ROR2: variants seen among roughly 807,000 people sequenced by gnomAD.
ROR2 encodes the protein ROR family WNT receptor 2.
ROR2 carries 33 observed loss-of-function variants against 74.9 expected under a neutral mutation model. The ratio of observed to expected loss-of-function variants is 0.44; its 90% confidence interval spans 0.33 to 0.59. The LOEUF (loss-of-function observed/expected upper bound fraction) is 0.59. Among genes scored for constraint, ROR2 ranks in the 20% least tolerant of loss-of-function variants. The probability of loss-of-function intolerance (pLI) is 0.02; values close to 1 mark genes in which losing one functional copy is unlikely to be tolerated. For missense variants in ROR2, 1,216 were observed against 1,313.8 expected (o/e 0.93, Z 1.15); for synonymous variants, 586 against 558.7 (o/e 1.05, Z -0.69).
rs117395254 is a variant in ROR2, at chr9:91,905,397, G to C, written c.97+44470C>G. Among the ~76,000 whole-genome samples the C allele has an allele frequency of 1.3e-3, 189 of 149,742 alleles. 3 individuals are homozygous for C. The East Asian group carries it at 0.035, about 28-fold the overall frequency. On this transcript the variant is annotated intron_variant, in intron 1 of 8. Transcript: ENST00000375708. This position sits in a 1 kb window ranked among gnomAD's most constrained non-coding sequence, Gnocchi z 5.3. ...ACACAACACATACCACACACACAGA[G>C]AGACAAAAACTATACAAATGTCACA...
chr9:91,895,848 A>G (rs1256348868), intron 1 of ROR2, among the ~76,000 whole-genome samples: 1 of 152,240 alleles, frequency 6.6e-6, no homozygotes, highest in African/African-American at 2.4e-5. Context: ...TGTCTCAAAA[A>G]AGAAAAAAGA....
rs1825786595 is a variant in ROR2 at position 91,757,327 on chromosome 9, C to T, written c.408G>A (p.Val136=). The change falls in exon 3 of 9, where the codon GTG becomes GTA. Residue 136 remains valine, a synonymous_variant. Coordinates refer to ENST00000375708, the MANE Select transcript of ROR2 (RefSeq NM_004560.4). ...TAATGGTCTTCATCCCGTTGGTGGCCACGCACTGGTAGTAGCCAGTGTCTG... is the reference window on the plus strand; with the variant it reads ...TAATGGTCTTCATCCCGTTGGTGGCTACGCACTGGTAGTAGCCAGTGTCTG... ...DTTDTGYYQC[V]ATNGMKTITA... is the part of the protein sequence containing the mutation. 6.2e-7 allele frequency: 1 copy of T among 1,613,898 alleles called. No individual in the cohort carries two copies. The highest frequency in any genetic ancestry group is 8.5e-7 in the Non-Finnish European group (1 of 1,180,032).
At chr9:91,738,088 T>C (rs1422888389) in intron 4 of ROR2, among the ~76,000 whole-genome samples, 1 of 152,166 alleles carries the variant, frequency 6.6e-6, no homozygotes, top group Non-Finnish European at 1.5e-5. Flanking sequence ...CACACGTCAC[T>C]ATACATTGGG....
intron 2 of ROR2, among the ~76,000 whole-genome samples, chr9:91,759,485 G>A (rs7873653): frequency 0.032 from 4,810 of 152,164 alleles, 255 homozygotes; most frequent in African/African-American, 0.11. Flanking sequence ...GCTGAATCAG[G>A]CAGGGTAAAG....
intron 1 of ROR2, among the ~76,000 whole-genome samples, chr9:91,880,966 T>A (rs1298041717): frequency 6.6e-6 from 1 of 152,218 alleles, no homozygotes; most frequent in East Asian, 1.9e-4. Context: ...GTGATTTTCA[T>A]GATGGTTGTA....
At chr9:91,898,498 C>T (rs1336679689) in intron 1 of ROR2, among the ~76,000 whole-genome samples, 1 of 152,144 alleles carries the variant, frequency 6.6e-6, no homozygotes, top group Non-Finnish European at 1.5e-5. Context: ...CCTACAGAAC[C>T]CCACCCCTTT....
chr9:91,741,338 T>TAATAATAAA (rs1825238680), intron 4 of ROR2, among the ~76,000 whole-genome samples: 2 of 140,370 alleles, frequency 1.4e-5, no homozygotes, highest in Non-Finnish European at 1.5e-5. Flanking sequence ...ATAATAATAA[T>TAATAATAAA]AATAAAATAA....
intron 2 of ROR2, among the ~76,000 whole-genome samples, chr9:91,769,354 G>A (rs546828280): frequency 2.4e-4 from 36 of 152,246 alleles, no homozygotes; most frequent in African/African-American, 8.7e-4. Flanking sequence ...GCCCCACAAT[G>A]AGCATGGAGC....
intron 2 of ROR2, among the ~76,000 whole-genome samples, chr9:91,768,368 A>C (rs1826123664): frequency 6.6e-6 from 1 of 152,248 alleles, no homozygotes; most frequent in African/African-American, 2.4e-5. Flanking sequence ...ACTAAAGTTA[A>C]GACCTACACA....
chr9:91,813,237 G>C (rs1179505181), intron 1 of ROR2, among the ~76,000 whole-genome samples: 1 of 152,046 alleles, frequency 6.6e-6, no homozygotes, highest in Admixed American at 6.5e-5. Context: ...ACGAAATGTC[G>C]ACCTTCTACA....
At chr9:91,946,712 T>A (rs915302539) in intron 1 of ROR2, among the ~76,000 whole-genome samples, 1 of 152,112 alleles carries the variant, frequency 6.6e-6, no homozygotes, top group African/African-American at 2.4e-5. Flanking sequence ...ACTAGCCAGG[T>A]CCTGCAGATT....
At chr9:91,858,682 G>A (rs1829375553) in intron 1 of ROR2, among the ~76,000 whole-genome samples, 2 of 152,224 alleles carry the variant, frequency 1.3e-5, no homozygotes, top group South Asian at 2.1e-4. Context: ...GACACATTTT[G>A]TGTGTGCACT....
At chr9:91,865,094 TA>T (rs1160312025) in intron 1 of ROR2, among the ~76,000 whole-genome samples, 4 of 152,108 alleles carry the variant, frequency 2.6e-5, no homozygotes, top group African/African-American at 7.2e-5. Context: ...AAGCTAAGGC[TA>T]AAAGTTTTTT....
chr9:91,744,264 C>T (rs866022329), intron 4 of ROR2, among the ~76,000 whole-genome samples: 1 of 125,018 alleles, frequency 8.0e-6, no homozygotes, highest in Non-Finnish European at 1.6e-5. Flanking sequence ...CTCTGTCGCT[C>T]GCCCAGGCTG....
chr9:91,949,943 G>A lies in ROR2; in HGVS notation c.21C>T (p.Leu7=). The A allele has an allele frequency of 6.6e-7, 1 of 1,511,690 alleles. No individual in the cohort carries two copies. Among genetic ancestry groups the A allele is most frequent in the Non-Finnish European group, 8.8e-7 (1 of 1,133,564 alleles). 93.6% of individuals were successfully genotyped at this position (1,511,690 alleles called of 1,614,324 possible). The change falls in exon 1 of 9, where the codon CTC becomes CTT. Residue 7 remains leucine, a synonymous_variant. Transcript: ENST00000375708. MARGSA[L]PRRPLLCIPA... Reference sequence around the variant, plus strand: ...GGATGCACAGCAGCGGCCGCCGCGGGAGCGCCGAGCCCCGGGCCATGCCGC... The same window carrying A: ...GGATGCACAGCAGCGGCCGCCGCGGAAGCGCCGAGCCCCGGGCCATGCCGC...
intron 1 of ROR2, among the ~76,000 whole-genome samples, chr9:91,821,100 C>CAAA (rs34388374): frequency 4.8e-5 from 6 of 124,424 alleles, no homozygotes; most frequent in African/African-American, 1.5e-4. Flanking sequence ...GACTTCGTCT[C>CAAA]AAAAAAAAAA....
intron 1 of ROR2, among the ~76,000 whole-genome samples, chr9:91,802,687 C>T (rs1178334769): frequency 2.0e-5 from 3 of 152,072 alleles, no homozygotes; most frequent in African/African-American, 7.3e-5. Context: ...CCCCTTCTGC[C>T]CAAGGGAAAC....
intron 1 of ROR2, among the ~76,000 whole-genome samples, chr9:91,802,208 G>A (rs1444598209): frequency 2.0e-5 from 3 of 151,680 alleles, no homozygotes; most frequent in Non-Finnish European, 4.4e-5. Flanking sequence ...CAGGTAGCTG[G>A]GACTACAGGC....
At chr9:91,780,593 C>G (rs1826584141) in intron 1 of ROR2, among the ~76,000 whole-genome samples, 1 of 151,904 alleles carries the variant, frequency 6.6e-6, no homozygotes, top group Non-Finnish European at 1.5e-5. Flanking sequence ...GAGTTTGAGA[C>G]CAGCCTGGCC....
Sources: gnomAD v4.1 joint callset for allele counts (sites outside exome capture counted in the v4.1 genomes callset) on GRCh38, gnomAD v4.1.1 for gene constraint, Gnocchi (gnomAD v3.1) non-coding constraint, MANE v1.5 for transcripts, NCBI Gene and HGNC (gene_info 2026-07-23, HGNC 2026-07-21) for gene names.